The following FAM184B variants were observed in gnomAD, a reference collection of about 807,000 sequenced individuals.
FAM184B encodes the protein family with sequence similarity 184 member B.
FAM184B carries 111 observed loss-of-function variants against 135.9 expected under a neutral mutation model. The ratio of observed to expected loss-of-function variants is 0.82; its 90% CI spans 0.70 to 0.96. The LOEUF (loss-of-function observed/expected upper bound fraction) is 0.96, where lower values mean the gene tolerates loss of function less well. Among genes scored for constraint, FAM184B ranks in the 40% least tolerant of loss-of-function variants. FAM184B has a pLI of 0.00. For synonymous variants in FAM184B, 552 were observed against 524.8 expected, an observed-to-expected ratio of 1.05 and a Z score of -0.71; for missense variants, 1,375 against 1,323.9, an observed-to-expected ratio of 1.04 and a Z score of -0.60.
intron 7 of FAM184B, among the ~76,000 whole-genome samples, chr4:17,682,298 G>A (rs552027515): frequency 3.3e-5 from 5 of 152,214 alleles, no homozygotes; most frequent in East Asian, 3.9e-4. Flanking sequence ...TTGAATCTAC[G>A]AGAATCAAGG....
chr4:17,702,005 T>C (rs901496286), intron 5 of FAM184B, among the ~76,000 whole-genome samples: 3 of 152,176 alleles, frequency 2.0e-5, no homozygotes, highest in African/African-American at 7.2e-5. Flanking sequence ...CCGTATTAGA[T>C]AGCTCAGTCA....
chr4:17,650,958 T>C (rs1715599661), intron 11 of FAM184B, among the ~76,000 whole-genome samples: 1 of 152,148 alleles, frequency 6.6e-6, no homozygotes. Flanking sequence ...GGTCTTGAAC[T>C]ACTGACCTCA....
intron 1 of FAM184B, among the ~76,000 whole-genome samples, chr4:17,768,794 GTTTA>G (rs1718754082): frequency 6.6e-6 from 1 of 150,978 alleles, no homozygotes; most frequent in Non-Finnish European, 1.5e-5. Context: ...ATCAGTAAAT[GTTTA>G]TTTCTTTTTT....
At chr4:17,772,237 T>A (rs1284735976) in intron 1 of FAM184B, among the ~76,000 whole-genome samples, 1 of 152,190 alleles carries the variant, frequency 6.6e-6, no homozygotes, top group Non-Finnish European at 1.5e-5. Context: ...ATGATAATTA[T>A]TTTTCCTTAT....
At chr4:17,656,388 T>G (rs1317219011) in intron 10 of FAM184B, among the ~76,000 whole-genome samples, 1 of 150,914 alleles carries the variant, frequency 6.6e-6, no homozygotes, top group East Asian at 1.9e-4. Context: ...TGTGCATTAT[T>G]TCCTTTCTTC....
In FAM184B at chr4:17,781,206, G is replaced by C. The variant is rs1461989935; in HGVS notation, c.94C>G (p.Pro32Ala). 25 of 1,550,698 alleles carry C rather than the reference G, an allele frequency of 1.6e-5. No individual in the cohort carries two copies. The East Asian group carries it at 6.1e-4, about 38-fold the overall frequency. Residue 32 changes from proline to alanine, a missense_variant, in exon 1 of 18, where the codon CCC (proline) becomes GCC (alanine). Physicochemically the swap from Pro to Ala is conservative, Grantham distance 27. Transcript: ENST00000265018. The surrounding 1 kb of genome is among the most constrained non-coding windows in gnomAD (Gnocchi z 6.5). ...GGAGWRMDCDPQMHVKMCKKI... is the reference protein window; with the variant it reads ...GGAGWRMDCDAQMHVKMCKKI... Reference sequence around the variant, plus strand: ...TTGCACATTTTCACGTGCATCTGGGGATCACAGTCCATTCTCCAGCCGGCG... The same window carrying C: ...TTGCACATTTTCACGTGCATCTGGGCATCACAGTCCATTCTCCAGCCGGCG...
Position 17,779,108 on chromosome 4 carries a change from C to G in FAM184B, c.141+2051G>C, listed in dbSNP as rs190364690. ...GTGGAATATGTATCACTTTACTAAT[C>G]TGATAGAAGGCAAGAATGGAAGAAA... is the stretch of plus-strand genomic sequence containing the variant. On this transcript the variant is annotated intron_variant, in intron 1 of 17. Coordinates refer to ENST00000265018, the MANE Select transcript of FAM184B (RefSeq NM_015688.2). Among the ~76,000 whole-genome samples the G allele has an allele frequency of 3.7e-3, 559 of 152,152 alleles. 8 individuals carry two copies. In the South Asian group the frequency reaches 0.041, roughly 11 times the overall value.
At chr4:17,709,721 C>T in intron 1 of FAM184B, 77 bp from the exon 2 acceptor site, 3 of 1,314,870 alleles carry the variant, frequency 2.3e-6, no homozygotes, top group South Asian at 3.3e-5. Flanking sequence ...GAGCAATATT[C>T]TCCTGCATGG....
chr4:17,637,940 C>T (rs1683886453), intron 14 of FAM184B, among the ~76,000 whole-genome samples: 1 of 151,796 alleles, frequency 6.6e-6, no homozygotes, highest in Non-Finnish European at 1.5e-5. Context: ...CAAACTCCTT[C>T]CCATCAGGGC....
At chr4:17,683,517 A>G (rs1716496371) in intron 7 of FAM184B, among the ~76,000 whole-genome samples, 2 of 152,228 alleles carry the variant, frequency 1.3e-5, no homozygotes, top group Admixed American at 1.3e-4. Flanking sequence ...TCCAGCCAGT[A>G]AGAACCCAGG....
At position 17,781,343 on chromosome 4, in the gene FAM184B, G is replaced by A; in HGVS notation, c.-44C>T. 2 of 1,480,138 alleles carry A rather than the reference G, an allele frequency of 1.4e-6. No homozygotes were observed. The highest frequency in any genetic ancestry group is 1.8e-6 in the Non-Finnish European group (2 of 1,107,670). The allele number at this position is 1,480,138 out of a possible 1,614,324, so 91.7% of individuals were successfully genotyped here. A position where few individuals can be genotyped will look rare whatever the true frequency, so the allele number is the denominator to read the frequency against. On this transcript the variant is annotated 5_prime_UTR_variant, in exon 1 of 18. Transcript: ENST00000265018. The surrounding 1 kb of genome is among the most constrained non-coding windows in gnomAD (Gnocchi z 6.5). ...ACTCAGACTCTCTCGTTTTCTCCCTGCCCACCGTGTGCACGTGCGTGCGCG... is the reference window on the plus strand; with the variant it reads ...ACTCAGACTCTCTCGTTTTCTCCCTACCCACCGTGTGCACGTGCGTGCGCG...
At chr4:17,650,371 C>A (rs1410162308) in intron 11 of FAM184B, among the ~76,000 whole-genome samples, 2 of 152,242 alleles carry the variant, frequency 1.3e-5, no homozygotes, top group Non-Finnish European at 2.9e-5. Context: ...TAGGTGCTTG[C>A]ACCTTCCCTT....
chr4:17,741,172 G>C (rs1560190411), intron 1 of FAM184B, among the ~76,000 whole-genome samples: 1 of 152,276 alleles, frequency 6.6e-6, no homozygotes, highest in Non-Finnish European at 1.5e-5. Context: ...ATTCTAGTGG[G>C]AGGATCTGAC....
chr4:17,781,139 C>A lies in FAM184B; in HGVS notation c.141+20G>T, dbSNP rs1025515150. 7.3e-6 allele frequency: 11 copies of A among 1,511,028 alleles called. No individual in the cohort carries two copies. Among genetic ancestry groups the A allele is most frequent in the Non-Finnish European group, 9.8e-6 (11 of 1,126,982 alleles). The allele number at this position is 1,511,028 out of a possible 1,614,324, so 93.6% of individuals were successfully genotyped here. ...GCGCCCCGGGCGTGCAGCTCGCTGG[C>A]CCGCTGCGCCCCACCTTACCTTGGT... On this transcript the variant is annotated intron_variant, in intron 1 of 17. Transcript: ENST00000265018. The surrounding 1 kb of genome is among the most constrained non-coding windows in gnomAD (Gnocchi z 6.5).
chr4:17,722,323 C>T (rs573429692), intron 1 of FAM184B, among the ~76,000 whole-genome samples: 4 of 152,298 alleles, frequency 2.6e-5, no homozygotes, highest in East Asian at 1.9e-4. Context: ...GCCCTGGATT[C>T]GGGTGCTGAG....
At chr4:17,760,777 G>T (rs1470988546) in intron 1 of FAM184B, among the ~76,000 whole-genome samples, 2 of 152,120 alleles carry the variant, frequency 1.3e-5, no homozygotes, top group African/African-American at 2.4e-5. Flanking sequence ...ACCAGTAAAA[G>T]CCCCAGGGGG....
intron 7 of FAM184B, among the ~76,000 whole-genome samples, chr4:17,688,046 G>A (rs1346205726): frequency 6.6e-6 from 1 of 152,184 alleles, no homozygotes; most frequent in Non-Finnish European, 1.5e-5. Context: ...GATCATGGCT[G>A]TGGAGGCAGA....
At chr4:17,723,101 A>G (rs929968875) in intron 1 of FAM184B, among the ~76,000 whole-genome samples, 1 of 152,188 alleles carries the variant, frequency 6.6e-6, no homozygotes, top group African/African-American at 2.4e-5. Context: ...TTCCATATGA[A>G]TGGTATAACA....
At chr4:17,648,640 C>T (rs1715529175) in intron 11 of FAM184B, among the ~76,000 whole-genome samples, 1 of 152,142 alleles carries the variant, frequency 6.6e-6, no homozygotes, top group Non-Finnish European at 1.5e-5. Flanking sequence ...AGCGCGTGAG[C>T]CACAGTACCC....
Sources: allele counts gnomAD v4.1 joint callset (sites outside exome capture counted in the v4.1 genomes callset), GRCh38; gene constraint gnomAD v4.1.1; non-coding constraint Gnocchi (gnomAD v3.1); transcripts MANE v1.5; gene names NCBI Gene and HGNC (gene_info 2026-07-23, HGNC 2026-07-21).